The following NKAIN2 variants were observed in gnomAD, a reference collection of about 807,000 sequenced individuals.
NKAIN2 encodes sodium/potassium transporting ATPase interacting 2.
A neutral mutation model predicts 32.6 loss-of-function variants in NKAIN2; 14 were observed. That is an observed-to-expected ratio of 0.43 (90% CI 0.28 to 0.67). The LOEUF (loss-of-function observed/expected upper bound fraction) is 0.67, where lower values mean the gene tolerates loss of function less well. Ranked by LOEUF, NKAIN2 falls within the 30% of genes least tolerant of loss-of-function variation. The probability of loss-of-function intolerance (pLI) is 0.17; values close to 1 mark genes in which losing one functional copy is unlikely to be tolerated. For missense variants in NKAIN2, 198 were observed against 258.3 expected (o/e 0.77, Z 1.60); for synonymous variants, 80 against 87.2 (o/e 0.92, Z 0.46).
At chr6:123,848,048 C>G (rs367741729) in intron 1 of NKAIN2, among the ~76,000 whole-genome samples, 1 of 152,118 alleles carries the variant, frequency 6.6e-6, no homozygotes, top group Admixed American at 6.5e-5. Flanking sequence ...TATTCTTTAT[C>G]GAAAAGCCAT....
Position 124,316,306 on chromosome 6 carries a change from A to G in NKAIN2, c.192+33164A>G, listed in dbSNP as rs1248034320. Among the ~76,000 whole-genome samples, 4 of 152,136 alleles carry G rather than the reference A, an allele frequency of 2.6e-5. No homozygotes were observed. In the East Asian group the frequency reaches 5.8e-4, roughly 22 times the overall value. Reference sequence around the variant, plus strand: ...AAAAATTTAAGAAAGAAAAATCAACATAGTCATAAATACTCATTAAATTTC... The same window carrying G: ...AAAAATTTAAGAAAGAAAAATCAACGTAGTCATAAATACTCATTAAATTTC... On this transcript the variant is annotated intron_variant, in intron 2 of 6. Coordinates refer to ENST00000368417, the MANE Select transcript of NKAIN2 (RefSeq NM_001040214.3).
intron 3 of NKAIN2, among the ~76,000 whole-genome samples, chr6:124,521,665 A>T (rs932053707): frequency 1.3e-5 from 2 of 152,184 alleles, no homozygotes; most frequent in Non-Finnish European, 2.9e-5. Flanking sequence ...TGCAAGAATA[A>T]TCGATTCTTT....
intron 1 of NKAIN2, among the ~76,000 whole-genome samples, chr6:124,203,968 C>T (rs1790724846): frequency 1.3e-5 from 2 of 151,974 alleles, no homozygotes; most frequent in South Asian, 4.2e-4. Flanking sequence ...GAATCATAAA[C>T]TCATAAACAA....
chr6:124,604,581 C>T lies in NKAIN2; in HGVS notation c.274-53605C>T, dbSNP rs1163934304. On this transcript the variant is annotated intron_variant, in intron 3 of 6. Transcript: ENST00000368417. ...CTCTCTATGCTTGATAATTCTTCCTCATTATCTCCACCAGAAAAAATAAAA... is the reference window on the plus strand; with the variant it reads ...CTCTCTATGCTTGATAATTCTTCCTTATTATCTCCACCAGAAAAAATAAAA... 2.0e-5 allele frequency among the ~76,000 whole-genome samples: 3 copies of T among 151,540 alleles called. No homozygotes were observed. In the East Asian group the frequency reaches 5.8e-4, roughly 29 times the overall value.
intron 3 of NKAIN2, among the ~76,000 whole-genome samples, chr6:124,604,502 C>T (rs1280983911): frequency 3.3e-5 from 5 of 151,788 alleles, no homozygotes; most frequent in African/African-American, 1.2e-4. Flanking sequence ...CCTTTTACTT[C>T]TTTTTGTGTC....
intron 1 of NKAIN2, among the ~76,000 whole-genome samples, chr6:123,969,196 C>T (rs1039764132): frequency 2.0e-5 from 3 of 152,096 alleles, no homozygotes; most frequent in Non-Finnish European, 4.4e-5. Flanking sequence ...TGAGACTTAC[C>T]CTGACTACCA....
chr6:124,312,729 A>C lies in NKAIN2; in HGVS notation c.192+29587A>C, dbSNP rs1796775484. On this transcript the variant is annotated intron_variant, in intron 2 of 6. Transcript: ENST00000368417. ...TTGAAGCAATGAACAATTATGCATA[A>C]ATGTGATTGGACAAAAGGGTGTGAT... Among the ~76,000 whole-genome samples the C allele has an allele frequency of 3.3e-5, 5 of 152,252 alleles. No individual in the cohort carries two copies. The South Asian group carries it at 1.0e-3, about 32-fold the overall frequency.
intron 3 of NKAIN2, among the ~76,000 whole-genome samples, chr6:124,415,843 AT>A (rs1774438420): frequency 1.5e-5 from 1 of 66,206 alleles, no homozygotes; most frequent in African/African-American, 5.3e-5. Flanking sequence ...ATTGATTTTT[AT>A]TTGCTTTTTT....
At chr6:124,777,139 AAAT>A (rs1779014468) in intron 4 of NKAIN2, among the ~76,000 whole-genome samples, 1 of 152,202 alleles carries the variant, frequency 6.6e-6, no homozygotes, top group African/African-American at 2.4e-5. Flanking sequence ...GATTTTTAAT[AAAT>A]AATATTAAAG....
chr6:124,591,342 G>T (rs954658785), intron 3 of NKAIN2, among the ~76,000 whole-genome samples: 2 of 152,194 alleles, frequency 1.3e-5, no homozygotes, highest in Non-Finnish European at 2.9e-5. Flanking sequence ...CGGAATAAGT[G>T]TGAGGAGTGG....
intron 1 of NKAIN2, among the ~76,000 whole-genome samples, chr6:124,148,115 A>ATT (rs1371360637): frequency 2.6e-5 from 4 of 152,014 alleles, no homozygotes; most frequent in Admixed American, 2.6e-4. Flanking sequence ...GATTTTCATT[A>ATT]TTTCATTTAT....
intron 2 of NKAIN2, among the ~76,000 whole-genome samples, chr6:124,310,391 G>A (rs1433063861): frequency 6.6e-6 from 1 of 152,000 alleles, no homozygotes; most frequent in Non-Finnish European, 1.5e-5. Context: ...AGACTTTAAT[G>A]ATCTTTCTGA....
chr6:124,432,832 C>T (rs1253669593), intron 3 of NKAIN2, among the ~76,000 whole-genome samples: 2 of 152,020 alleles, frequency 1.3e-5, no homozygotes, highest in East Asian at 3.9e-4. Context: ...CTCCAGACTG[C>T]TTCTTCCCCC....
intron 1 of NKAIN2, among the ~76,000 whole-genome samples, chr6:123,867,908 G>A (rs368402782): frequency 2.1e-4 from 29 of 138,058 alleles, no homozygotes; most frequent in Non-Finnish European, 2.9e-4. Flanking sequence ...TTGCTCTGTC[G>A]CCCAGGCTGG....
intron 3 of NKAIN2, among the ~76,000 whole-genome samples, chr6:124,492,258 A>G (rs1777893683): frequency 6.6e-6 from 1 of 152,098 alleles, no homozygotes; most frequent in Non-Finnish European, 1.5e-5. Flanking sequence ...TTCTAAATAT[A>G]GAAAATTTTG....
intron 1 of NKAIN2, among the ~76,000 whole-genome samples, chr6:123,959,826 G>T (rs757755382): frequency 1.3e-5 from 2 of 150,934 alleles, no homozygotes; most frequent in Non-Finnish European, 3.0e-5. Flanking sequence ...GGGGGTGGGG[G>T]GTACAATTGC....
intron 3 of NKAIN2, among the ~76,000 whole-genome samples, chr6:124,585,921 A>T (rs1476910342): frequency 6.6e-6 from 1 of 152,222 alleles, no homozygotes. Context: ...TATTTAAAAG[A>T]TCTTTGCCTA....
intron 4 of NKAIN2, among the ~76,000 whole-genome samples, chr6:124,729,427 C>T (rs1243170399): frequency 6.6e-6 from 1 of 151,880 alleles, no homozygotes; most frequent in Non-Finnish European, 1.5e-5. Context: ...TAAATGTAAT[C>T]CAGCATATAA....
At position 124,561,020 on chromosome 6, in the gene NKAIN2, C is replaced by A. The variant is rs557987750; in HGVS notation, c.274-97166C>A. On this transcript the variant is annotated intron_variant, in intron 3 of 6. Coordinates refer to ENST00000368417, the MANE Select transcript of NKAIN2 (RefSeq NM_001040214.3). The stretch of plus-strand genomic sequence containing the variant: ...TGATAGAAAAGCAGGAATTTCTGGG[C>A]AGGTCACCTAGGAAAAGAGGCCAAG... Among the ~76,000 whole-genome samples, 6 of 152,224 alleles carry A rather than the reference C, an allele frequency of 3.9e-5. No individual in the cohort carries two copies. The South Asian group carries it at 1.2e-3, about 32-fold the overall frequency.
Sources: allele counts gnomAD v4.1 joint callset (sites outside exome capture counted in the v4.1 genomes callset), GRCh38; gene constraint gnomAD v4.1.1; transcripts MANE v1.5; gene names NCBI Gene and HGNC (gene_info 2026-07-23, HGNC 2026-07-21).